The following FLI1 variants were observed in gnomAD, a reference collection of about 807,000 sequenced individuals.
The protein encoded by FLI1 is Fli-1 proto-oncogene, ETS transcription factor.
FLI1 carries 13 observed loss-of-function variants against 53.1 expected under a neutral mutation model. The ratio of observed to expected loss-of-function variants is 0.24; its 90% CI spans 0.16 to 0.39. The LOEUF is 0.39. Ranked by LOEUF, FLI1 falls within the 10% of genes least tolerant of loss-of-function variation. The pLI, the probability that FLI1 is intolerant of heterozygous loss-of-function variation, is 1.00. For synonymous variants in FLI1, 244 were observed against 236.7 expected (o/e 1.03, Z -0.28); for missense variants, 424 against 600.5 (o/e 0.71, Z 3.07).
intron 2 of FLI1, among the ~76,000 whole-genome samples, chr11:128,758,819 C>G (rs1940997299): frequency 6.6e-6 from 1 of 152,150 alleles, no homozygotes; most frequent in African/African-American, 2.4e-5. Context: ...AGGGGGCAGG[C>G]ACCTGGAAGG....
chr11:128,750,123 G>A (rs1267481164), intron 1 of FLI1, among the ~76,000 whole-genome samples: 2 of 152,234 alleles, frequency 1.3e-5, no homozygotes, highest in African/African-American at 4.8e-5. Context: ...TCCCTGTGGT[G>A]ACCCTGGGTA....
intron 4 of FLI1, among the ~76,000 whole-genome samples, chr11:128,774,177 G>T (rs147743961): frequency 6.6e-6 from 1 of 152,128 alleles, no homozygotes; most frequent in Non-Finnish European, 1.5e-5. Flanking sequence ...GGGGCAACAC[G>T]TGCTGGCTGG....
intron 5 of FLI1, among the ~76,000 whole-genome samples, chr11:128,799,588 C>A (rs527971641): frequency 6.6e-6 from 1 of 152,138 alleles, no homozygotes; most frequent in East Asian, 1.9e-4. Context: ...TTAACTGATT[C>A]GAAGTCCTAT....
upstream of FLI1, chr11:128,693,302 C>G (rs753865343): frequency 6.6e-6 from 1 of 152,312 alleles, no homozygotes; most frequent in Non-Finnish European, 1.5e-5. Flanking sequence ...CGCGCCCTGA[C>G]AGCGCGGGTC....
chr11:128,705,535 T>A (rs60382368), intron 1 of FLI1, among the ~76,000 whole-genome samples: 7,678 of 152,164 alleles, frequency 0.05, 382 homozygotes, highest in East Asian at 0.28. Flanking sequence ...CAATTTTTTT[T>A]AAAAAACATA....
chr11:128,758,251 C>T lies in FLI1; in HGVS notation c.155C>T (p.Pro52Leu). The change falls in exon 2 of 9, where the codon CCA becomes CTA. Residue 52 changes from proline (P) to leucine (L), a missense_variant. Physicochemically the swap from Pro to Leu is moderately conservative, Grantham distance 98. Transcript: ENST00000527786. ...YGQPHKINPL[P>L]PQQEWINQPV... The stretch of plus-strand genomic sequence containing the variant: ...CAGCCCCACAAGATCAACCCCCTCC[C>T]ACCACAGCAGGAGTGGATCAATCAG... 2 of 1,613,720 alleles carry T rather than the reference C, an allele frequency of 1.2e-6. No homozygotes were observed. The highest frequency in any genetic ancestry group is 1.7e-6 in the Non-Finnish European group (2 of 1,179,780).
At chr11:128,711,732 G>C (rs1355001570) in intron 1 of FLI1, among the ~76,000 whole-genome samples, 1 of 152,074 alleles carries the variant, frequency 6.6e-6, no homozygotes, top group Non-Finnish European at 1.5e-5. Flanking sequence ...GTCATTTTTA[G>C]CTCTAATGCT....
chr11:128,799,884 A>G (rs1942576123), intron 5 of FLI1, among the ~76,000 whole-genome samples: 1 of 152,204 alleles, frequency 6.6e-6, no homozygotes, highest in Non-Finnish European at 1.5e-5. Flanking sequence ...TGGACCTATT[A>G]GAAGCACAGG....
At chr11:128,770,315 C>T (rs746153939) in intron 3 of FLI1, among the ~76,000 whole-genome samples, 5 of 152,192 alleles carry the variant, frequency 3.3e-5, no homozygotes, top group South Asian at 2.1e-4. Flanking sequence ...ATTTTAGCTC[C>T]GGCTAGATCT....
intron 2 of FLI1, among the ~76,000 whole-genome samples, chr11:128,762,602 T>G (rs1479555579): frequency 6.6e-6 from 1 of 152,248 alleles, no homozygotes; most frequent in African/African-American, 2.4e-5. Context: ...CTTTAATATA[T>G]TATTAAAATT....
At chr11:128,805,467 A>T in intron 6 of FLI1, 36 bp downstream of exon 6, 2 of 1,329,320 alleles carry the variant, frequency 1.5e-6, no homozygotes, top group Admixed American at 2.0e-5. Context: ...GGAGGAAAGC[A>T]TGTTTCTGAG....
At chr11:128,803,719 T>C (rs1263666802) in intron 5 of FLI1, among the ~76,000 whole-genome samples, 3 of 152,170 alleles carry the variant, frequency 2.0e-5, no homozygotes, top group Non-Finnish European at 2.9e-5. Context: ...CCCAAATCTA[T>C]TACCAGAGGC....
At chr11:128,763,178 A>G (rs1410784676) in intron 2 of FLI1, among the ~76,000 whole-genome samples, 2 of 152,184 alleles carry the variant, frequency 1.3e-5, no homozygotes, top group African/African-American at 4.8e-5. Context: ...TGAAGCTACC[A>G]TGCCCACTTG....
intron 1 of FLI1, among the ~76,000 whole-genome samples, chr11:128,703,816 C>T (rs1021864733): frequency 1.6e-5 from 2 of 123,962 alleles, no homozygotes; most frequent in African/African-American, 6.4e-5. Flanking sequence ...ACACTCCAGC[C>T]TGGGTGACAG....
At chr11:128,752,008 C>A (rs1189723702) in intron 1 of FLI1, among the ~76,000 whole-genome samples, 1 of 151,828 alleles carries the variant, frequency 6.6e-6, no homozygotes, top group Non-Finnish European at 1.5e-5. Context: ...CAGAGGCTCA[C>A]TCTATTGCCC....
intron 1 of FLI1, among the ~76,000 whole-genome samples, chr11:128,715,807 TG>T (rs1938984160): frequency 6.6e-6 from 1 of 152,208 alleles, no homozygotes; most frequent in South Asian, 2.1e-4. Flanking sequence ...CTGAGCATGC[TG>T]GGGCCTCTCC....
chr11:128,733,383 A>G (rs1189556292), intron 1 of FLI1, among the ~76,000 whole-genome samples: 2 of 152,134 alleles, frequency 1.3e-5, no homozygotes, highest in Non-Finnish European at 2.9e-5. Context: ...ACACTAGGAG[A>G]AAAACTAGTA....
chr11:128,705,632 T>C (rs1186898351), intron 1 of FLI1, among the ~76,000 whole-genome samples: 1 of 152,216 alleles, frequency 6.6e-6, no homozygotes, highest in Non-Finnish European at 1.5e-5. Flanking sequence ...GACTTCAGGC[T>C]CCAGTTTCTC....
At chr11:128,757,105 T>TTTCTTTCTTTCC (rs1173932554) in intron 1 of FLI1, among the ~76,000 whole-genome samples, 1 of 150,730 alleles carries the variant, frequency 6.6e-6, no homozygotes, top group Non-Finnish European at 1.5e-5. Flanking sequence ...TCTTTCTTTC[T>TTTCTTTCTTTCC]TTCTTTCTCT....
Sources: gnomAD v4.1 joint callset for allele counts (sites outside exome capture counted in the v4.1 genomes callset) on GRCh38, gnomAD v4.1.1 for gene constraint, MANE v1.5 for transcripts, NCBI Gene and HGNC (gene_info 2026-07-23, HGNC 2026-07-21) for gene names.